SH3PXD2B: variants seen among roughly 807,000 people sequenced by gnomAD.
SH3PXD2B encodes the protein SH3 and PX domains 2B.
SH3PXD2B carries 37 observed loss-of-function variants against 73.1 expected under a neutral mutation model. The ratio of observed to expected loss-of-function variants is 0.51; its 90% CI spans 0.39 to 0.67. The LOEUF (loss-of-function observed/expected upper bound fraction) is 0.67, where lower values mean the gene tolerates loss of function less well. Ranked by LOEUF, SH3PXD2B falls within the 30% of genes least tolerant of loss-of-function variation. The pLI is 0.00. For synonymous variants in SH3PXD2B, 457 were observed against 480.5 expected (o/e 0.95, Z 0.64); for missense variants, 1,053 against 1,197.8 (o/e 0.88, Z 1.78).
chr5:172,368,035 C>G (rs1032497320), intron 6 of SH3PXD2B, among the ~76,000 whole-genome samples: 11 of 152,150 alleles, frequency 7.2e-5, no homozygotes, highest in Non-Finnish European at 1.5e-4. Context: ...AAACCTAATT[C>G]ACTTATATCT....
chr5:172,454,312 T>C lies in SH3PXD2B; in HGVS notation c.41A>G (p.Asp14Gly). ...GTTGGGCACCCGCCGCTTCTGCACG[T>C]CTAGCACCTTCACCTCCACGATGCT... ...RRSIVEVKVL[D>G]VQKRRVPNKH... Residue 14 changes from aspartate to glycine, a missense_variant, in exon 1 of 13, where the codon GAC becomes GGC. Asp to Gly is a moderately conservative substitution (Grantham distance 94). Transcript: ENST00000311601. 3 of 1,598,430 alleles carry C rather than the reference T, an allele frequency of 1.9e-6. No individual in the cohort carries two copies. Among genetic ancestry groups the C allele is most frequent in the African/African-American group, 1.4e-5 (1 of 73,912 alleles).
intron 5 of SH3PXD2B, among the ~76,000 whole-genome samples, chr5:172,378,136 T>C (rs1757858558): frequency 6.6e-6 from 1 of 152,168 alleles, no homozygotes; most frequent in South Asian, 2.1e-4. Flanking sequence ...ACACCCTTTG[T>C]CCCCGAGTGT....
chr5:172,394,077 G>T (rs1269641628), intron 4 of SH3PXD2B, among the ~76,000 whole-genome samples: 1 of 152,066 alleles, frequency 6.6e-6, no homozygotes, highest in Non-Finnish European at 1.5e-5. Context: ...CCGAGTAGCT[G>T]GGACTACAGG....
intron 7 of SH3PXD2B, among the ~76,000 whole-genome samples, chr5:172,362,083 G>A (rs563567250): frequency 6.6e-6 from 1 of 152,154 alleles, no homozygotes; most frequent in Non-Finnish European, 1.5e-5. Context: ...ATTTTTTTGA[G>A]CATCTACTGT....
At chr5:172,369,651 C>T (rs942266588) in intron 6 of SH3PXD2B, among the ~76,000 whole-genome samples, 2 of 152,050 alleles carry the variant, frequency 1.3e-5, no homozygotes, top group Non-Finnish European at 2.9e-5. Flanking sequence ...GCCTGTAGTC[C>T]CAGCTACTCG....
chr5:172,329,080 TATA>T (rs1469028902), downstream of SH3PXD2B, among the ~76,000 whole-genome samples: 15 of 85,734 alleles, frequency 1.7e-4, no homozygotes, highest in African/African-American at 4.6e-4. Flanking sequence ...TATATATATA[TATA>T]TTTTTTTTTT....
intron 6 of SH3PXD2B, among the ~76,000 whole-genome samples, chr5:172,369,008 C>T (rs963749947): frequency 6.7e-6 from 1 of 149,646 alleles, no homozygotes; most frequent in African/African-American, 2.5e-5. Context: ...AATTCTCCTG[C>T]CTCAGCCTCC....
At chr5:172,394,454 T>C in intron 4 of SH3PXD2B, 109 bp downstream of exon 4, 3 of 1,123,138 alleles carry the variant, frequency 2.7e-6, no homozygotes, top group South Asian at 2.7e-5. Flanking sequence ...TTTCTTTACA[T>C]TCCTTTGAAT....
chr5:172,436,517 G>C (rs1012064596), intron 1 of SH3PXD2B, among the ~76,000 whole-genome samples: 2 of 152,330 alleles, frequency 1.3e-5, no homozygotes, highest in South Asian at 2.1e-4. Flanking sequence ...TTAGGGACAT[G>C]AGGCCAGAGG....
chr5:172,454,460 T>C lies in SH3PXD2B; in HGVS notation c.-108A>G. 3.7e-6 allele frequency: 2 copies of C among 545,342 alleles called. No individual in the cohort carries two copies. Among genetic ancestry groups the C allele is most frequent in the Non-Finnish European group, 4.9e-6 (2 of 408,034 alleles). 33.8% of individuals were successfully genotyped at this position (545,342 alleles called of 1,614,324 possible). ...GCAGGGAACCTGGAGCTGAGCGCAA[T>C]CGCAGCCGGGGCCGAGCACGAGCCG... is the stretch of plus-strand genomic sequence containing the variant. On this transcript the variant is annotated 5_prime_UTR_variant, in exon 1 of 13. Coordinates refer to ENST00000311601, the MANE Select transcript of SH3PXD2B (RefSeq NM_001017995.3).
Position 172,336,152 on chromosome 5 carries a change from C to T in SH3PXD2B, c.*2217G>A. The T allele has an allele frequency of 3.0e-6, 3 of 986,548 alleles. No individual in the cohort carries two copies. Among genetic ancestry groups the T allele is most frequent in the Non-Finnish European group, 3.6e-6 (3 of 830,766 alleles). The allele number at this position is 986,548 out of a possible 1,614,324, so 61.1% of individuals were successfully genotyped here. A position where few individuals can be genotyped will look rare whatever the true frequency, so the allele number is the denominator to read the frequency against. On this transcript the variant is annotated 3_prime_UTR_variant, in exon 13 of 13. Coordinates refer to ENST00000311601, the MANE Select transcript of SH3PXD2B (RefSeq NM_001017995.3). Reference sequence around the variant, plus strand: ...CAGCACCTAGCACAGAGTAGACACTCACAAAGTATCTGAAAGCGTCGCTGA... The same window carrying T: ...CAGCACCTAGCACAGAGTAGACACTTACAAAGTATCTGAAAGCGTCGCTGA...
At chr5:172,359,012 C>T in intron 7 of SH3PXD2B, 135 bp from the exon 8 acceptor site, 1 of 830,168 alleles carries the variant, frequency 1.2e-6, no homozygotes, top group Non-Finnish European at 2.0e-6. Context: ...ATTGGTAGAA[C>T]ACAACTACCA....
Position 172,339,758 on chromosome 5 carries a change from C to T in SH3PXD2B, c.1347G>A (p.Leu449=), listed in dbSNP as rs760377829. Residue 449 remains leucine (L), a synonymous_variant, in exon 13 of 13, where the codon CTG becomes CTA. Transcript: ENST00000311601. The surrounding 1 kb of genome is among the most constrained non-coding windows in gnomAD (Gnocchi z 6.1). ...TGTTCTCCAGCGCTGCTGCTTCCCC[C>T]AGCCGGAGCTGGGTCACCTCGTGGG... ...PLPHEVTQLR[L]GEAAALENNT... 2 of 1,613,188 alleles carry T rather than the reference C, an allele frequency of 1.2e-6. No homozygotes were observed. Among genetic ancestry groups the T allele is most frequent in the East Asian group, 2.2e-5 (1 of 44,872 alleles).
intron 12 of SH3PXD2B, among the ~76,000 whole-genome samples, chr5:172,342,473 A>G (rs995116458): frequency 9.9e-5 from 15 of 151,956 alleles, no homozygotes; most frequent in Non-Finnish European, 1.9e-4. Context: ...CAGAAAAGAA[A>G]CCCCTGGCCG....
chr5:172,449,512 C>T (rs182691605), intron 1 of SH3PXD2B, among the ~76,000 whole-genome samples: 1 of 152,272 alleles, frequency 6.6e-6, no homozygotes, highest in East Asian at 1.9e-4. Context: ...ATTAGTATCC[C>T]AAATGTATAA....
chr5:172,422,325 A>C, intron 2 of SH3PXD2B, 91 bp downstream of exon 2: 1 of 1,257,716 alleles, frequency 8.0e-7, no homozygotes, highest in Non-Finnish European at 1.1e-6. Flanking sequence ...TGGGAAATTA[A>C]AAAAATTCTG....
intron 6 of SH3PXD2B, among the ~76,000 whole-genome samples, chr5:172,373,376 C>T (rs1220023666): frequency 6.6e-6 from 1 of 152,180 alleles, no homozygotes; most frequent in Non-Finnish European, 1.5e-5. Flanking sequence ...CTCTCAGCTA[C>T]CATATTGCTC....
At chr5:172,450,199 T>C (rs1047649530) in intron 1 of SH3PXD2B, among the ~76,000 whole-genome samples, 18 of 152,092 alleles carry the variant, frequency 1.2e-4, no homozygotes, top group African/African-American at 4.3e-4. Context: ...GTGAATTTTA[T>C]GGTATGTAAA....
Position 172,368,468 on chromosome 5 carries a change from T to TTATATA in SH3PXD2B, c.427+5316_427+5321dup, listed in dbSNP as rs1159408527. On this transcript the variant is annotated intron_variant, in intron 6 of 12. Transcript: ENST00000311601. ...CTAAGAATGCTTATATATATATATA[T>TTATATA]TATATATATATATAAAATATATATA... 6.2e-4 allele frequency among the ~76,000 whole-genome samples: 8 copies of TTATATA among 12,998 alleles called. 3 individuals carry two copies. Among genetic ancestry groups the TTATATA allele is most frequent in the Non-Finnish European group, 9.8e-4 (8 of 8,124 alleles). The allele number at this position is 12,998 out of a possible 152,430, so 8.5% of individuals were successfully genotyped here.
Sources: gnomAD v4.1 joint callset for allele counts (sites outside exome capture counted in the v4.1 genomes callset) on GRCh38, gnomAD v4.1.1 for gene constraint, Gnocchi (gnomAD v3.1) non-coding constraint, MANE v1.5 for transcripts, NCBI Gene and HGNC (gene_info 2026-07-23, HGNC 2026-07-21) for gene names.